GRID2: variants seen among roughly 807,000 people sequenced by gnomAD.
GRID2 encodes the protein glutamate receptor ionotropic, delta-2.
GRID2 carries 33 observed loss-of-function variants against 114.8 expected under a neutral mutation model. The ratio of observed to expected loss-of-function variants is 0.29; its 90% CI spans 0.22 to 0.38. GRID2 has a LOEUF of 0.38. GRID2 is among the 10% of genes least tolerant of loss of function. The pLI, the probability that GRID2 is intolerant of heterozygous loss-of-function variation, is 1.00. For missense variants in GRID2, 1,184 were observed against 1,257.7 expected, an observed-to-expected ratio of 0.94 and a Z score of 0.89; for synonymous variants, 505 against 449.9, an observed-to-expected ratio of 1.12 and a Z score of -1.55.
chr4:92,900,833 C>CAAAA (rs34089162), intron 2 of GRID2, among the ~76,000 whole-genome samples: 7 of 72,330 alleles, frequency 9.7e-5, no homozygotes, highest in Non-Finnish European at 1.3e-4. Flanking sequence ...GACTTCGTCT[C>CAAAA]AAAAAAAAAA....
intron 1 of GRID2, among the ~76,000 whole-genome samples, chr4:92,347,720 C>T (rs748069010): frequency 1.3e-5 from 2 of 151,774 alleles, no homozygotes; most frequent in African/African-American, 4.8e-5. Flanking sequence ...TATAGGAAGG[C>T]GAGATTGAGG....
At chr4:93,487,682 T>A (rs973848856) in intron 11 of GRID2, among the ~76,000 whole-genome samples, 4 of 151,998 alleles carry the variant, frequency 2.6e-5, no homozygotes, top group African/African-American at 9.7e-5. Context: ...TTTCTTTTTT[T>A]AAATTGGTAT....
At chr4:93,793,088 CCAAA>C (rs1561005598) in intron 1 of GRID2, among the ~76,000 whole-genome samples, 1 of 152,020 alleles carries the variant, frequency 6.6e-6, no homozygotes, top group Non-Finnish European at 1.5e-5. Flanking sequence ...TCCCACTATG[CCAAA>C]CAAATTAAAG....
intron 13 of GRID2, among the ~76,000 whole-genome samples, chr4:93,596,038 A>G (rs745499821): frequency 6.6e-6 from 1 of 152,188 alleles, no homozygotes; most frequent in Non-Finnish European, 1.5e-5. Flanking sequence ...TTTATTCTAC[A>G]TCTGTGTGGC....
intron 8 of GRID2, among the ~76,000 whole-genome samples, chr4:93,353,190 A>G (rs1381108195): frequency 2.0e-5 from 3 of 152,044 alleles, no homozygotes; most frequent in Non-Finnish European, 2.9e-5. Flanking sequence ...TTCATACATA[A>G]GAAGATTCTG....
chr4:92,859,173 C>G (rs1744370310), intron 2 of GRID2, among the ~76,000 whole-genome samples: 1 of 152,144 alleles, frequency 6.6e-6, no homozygotes, highest in Admixed American at 6.5e-5. Context: ...CCTTCAGCAA[C>G]CAGAACTCTG....
At chr4:93,418,512 A>G (rs1469073184) in intron 9 of GRID2, among the ~76,000 whole-genome samples, 2 of 152,044 alleles carry the variant, frequency 1.3e-5, no homozygotes, top group Non-Finnish European at 2.9e-5. Context: ...TTCTTCAAAC[A>G]CAATAAACAT....
chr4:93,359,924 C>T (rs1260914902), intron 8 of GRID2, among the ~76,000 whole-genome samples: 1 of 137,514 alleles, frequency 7.3e-6, no homozygotes, highest in Non-Finnish European at 1.6e-5. Context: ...TACAATCAAG[C>T]CACCATTTGA....
intron 2 of GRID2, among the ~76,000 whole-genome samples, chr4:92,645,101 A>G (rs1478170724): frequency 1.3e-5 from 2 of 151,668 alleles, no homozygotes; most frequent in Non-Finnish European, 3.0e-5. Context: ...TTTCATTAGT[A>G]TTTAAACTTT....
At chr4:92,535,416 T>C (rs1341919803) in intron 1 of GRID2, among the ~76,000 whole-genome samples, 3 of 152,162 alleles carry the variant, frequency 2.0e-5, no homozygotes, top group Non-Finnish European at 4.4e-5. Context: ...CAACTATCTT[T>C]ATTACTGATT....
intron 1 of GRID2, among the ~76,000 whole-genome samples, chr4:92,354,297 G>A (rs544942419): frequency 6.6e-6 from 1 of 152,100 alleles, no homozygotes; most frequent in African/African-American, 2.4e-5. Flanking sequence ...CTTGGTTGCT[G>A]TGAACCTTTG....
At chr4:92,764,338 A>T (rs1738158888) in intron 2 of GRID2, among the ~76,000 whole-genome samples, 1 of 152,188 alleles carries the variant, frequency 6.6e-6, no homozygotes, top group African/African-American at 2.4e-5. Flanking sequence ...AAAATAGTAC[A>T]AGGAAGGAGG....
At chr4:93,088,853 G>A (rs1243771337) in intron 3 of GRID2, among the ~76,000 whole-genome samples, 1 of 152,032 alleles carries the variant, frequency 6.6e-6, no homozygotes, top group African/African-American at 2.4e-5. Context: ...GGAAGTATCA[G>A]ATCAGAGATT....
intron 1 of GRID2, among the ~76,000 whole-genome samples, chr4:92,580,966 T>G (rs1182435763): frequency 6.8e-6 from 1 of 147,736 alleles, no homozygotes; most frequent in African/African-American, 2.4e-5. Flanking sequence ...AAGTGTCTAT[T>G]GTCAAACCAA....
At chr4:93,366,197 C>T (rs563284111) in intron 8 of GRID2, among the ~76,000 whole-genome samples, 19 of 152,170 alleles carry the variant, frequency 1.2e-4, no homozygotes, top group South Asian at 6.2e-4. Flanking sequence ...GCCTGTGAGC[C>T]GGGTGGAACA....
chr4:93,184,098 T>TA (rs1740163961), intron 4 of GRID2, among the ~76,000 whole-genome samples: 1 of 151,992 alleles, frequency 6.6e-6, no homozygotes, highest in South Asian at 2.1e-4. Context: ...TGAAAGAAAA[T>TA]GGTTTGTAGC....
intron 2 of GRID2, among the ~76,000 whole-genome samples, chr4:92,754,214 G>C (rs1737598069): frequency 1.3e-5 from 2 of 152,168 alleles, no homozygotes; most frequent in Admixed American, 6.6e-5. Flanking sequence ...ATAGTCCTGT[G>C]AATACTGAGG....
chr4:92,771,129 G>T (rs1448847144), intron 2 of GRID2, among the ~76,000 whole-genome samples: 2 of 152,084 alleles, frequency 1.3e-5, no homozygotes, highest in Admixed American at 6.6e-5. Context: ...CTTTAACCCA[G>T]TATTTCCAAA....
chr4:92,445,627 A>C (rs1184697958), intron 1 of GRID2, among the ~76,000 whole-genome samples: 1 of 152,218 alleles, frequency 6.6e-6, no homozygotes, highest in Non-Finnish European at 1.5e-5. Flanking sequence ...AACCCATGAA[A>C]CAAGTAGAGC....
Sources: gnomAD v4.1 joint callset for allele counts (sites outside exome capture counted in the v4.1 genomes callset) on GRCh38, gnomAD v4.1.1 for gene constraint, MANE v1.5 for transcripts, NCBI Gene and HGNC (gene_info 2026-07-23, HGNC 2026-07-21) for gene names.